MEF2C: variants seen among roughly 807,000 people sequenced by gnomAD.
MEF2C encodes myocyte-specific enhancer factor 2C.
MEF2C carries 6 observed loss-of-function variants against 50.5 expected under a neutral mutation model. The ratio of observed to expected loss-of-function variants is 0.12; its 90% CI spans 0.07 to 0.23. MEF2C has a LOEUF of 0.23. MEF2C is among the 10% of genes least tolerant of loss of function. MEF2C has a pLI of 1.00. For synonymous variants in MEF2C, 183 were observed against 228.0 expected (o/e 0.80, Z 1.78); for missense variants, 276 against 605.0 (o/e 0.46, Z 5.70).
intron 1 of MEF2C, among the ~76,000 whole-genome samples, chr5:88,866,047 A>C (rs1244549133): frequency 1.3e-5 from 2 of 151,948 alleles, no homozygotes; most frequent in Admixed American, 6.6e-5. Context: ...AGGCGCCCGC[A>C]ACCACGCCCG....
At chr5:88,787,007 A>AT (rs1228945799) in intron 3 of MEF2C, among the ~76,000 whole-genome samples, 6 of 152,228 alleles carry the variant, frequency 3.9e-5, no homozygotes, top group African/African-American at 1.4e-4. Flanking sequence ...AATGATCTTC[A>AT]TGTCCATCAA....
intron 2 of MEF2C, among the ~76,000 whole-genome samples, chr5:88,809,671 T>G (rs748296355): frequency 2.0e-5 from 3 of 152,190 alleles, no homozygotes; most frequent in Non-Finnish European, 4.4e-5. Flanking sequence ...TCAGACTAAC[T>G]TTTTCTCTGG....
intron 3 of MEF2C, among the ~76,000 whole-genome samples, chr5:88,781,094 C>T (rs543949346): frequency 6.6e-6 from 1 of 151,832 alleles, no homozygotes; most frequent in Admixed American, 6.6e-5. Context: ...CTTTTTCTAC[C>T]CTTTCCCTAG....
At chr5:88,766,767 A>T (rs1780236602) in intron 3 of MEF2C, 1 of 985,454 alleles carries the variant, frequency 1.0e-6, no homozygotes, top group Non-Finnish European at 1.2e-6. Flanking sequence ...CAGAGGGTTG[A>T]TGTGTCAAGA....
intron 6 of MEF2C, chr5:88,744,042 C>A (rs1768152005): frequency 3.3e-5 from 32 of 974,226 alleles, no homozygotes; most frequent in Admixed American, 6.2e-5. Context: ...TTTTTTTGAT[C>A]TCAACTATGA....
intron 6 of MEF2C, chr5:88,742,366 AACTAGTATTT>A (rs939953568): frequency 1.0e-6 from 1 of 984,886 alleles, no homozygotes; most frequent in Non-Finnish European, 1.2e-6. Flanking sequence ...TTCTGAATAA[AACTAGTATTT>A]CAGGGGGAAA....
At chr5:88,746,504 A>T (rs550524931) in intron 6 of MEF2C, 1 of 984,836 alleles carries the variant, frequency 1.0e-6, no homozygotes, top group Admixed American at 6.2e-5. Flanking sequence ...GCTGCTAAAA[A>T]GTAACGTAAT....
At chr5:88,737,916 A>G in intron 6 of MEF2C, 1 of 985,340 alleles carries the variant, frequency 1.0e-6, no homozygotes, top group Non-Finnish European at 1.2e-6. Flanking sequence ...AGCTTTATTA[A>G]ATTTGTGTTA....
chr5:88,768,120 C>T (rs1173067671), intron 3 of MEF2C, among the ~76,000 whole-genome samples: 1 of 152,204 alleles, frequency 6.6e-6, no homozygotes, highest in Non-Finnish European at 1.5e-5. Context: ...CTCCTTCATT[C>T]AGGCACTCAT....
intron 3 of MEF2C, chr5:88,771,279 G>T: frequency 2.5e-6 from 1 of 397,478 alleles, no homozygotes; most frequent in Non-Finnish European, 3.4e-6. Context: ...ATGTCATTTG[G>T]CAAGTCAGCT....
intron 1 of MEF2C, among the ~76,000 whole-genome samples, chr5:88,878,295 C>T (rs1050506829): frequency 6.6e-6 from 1 of 151,814 alleles, no homozygotes; most frequent in Non-Finnish European, 1.5e-5. Context: ...AGGAAGAGGC[C>T]CATGAATGTT....
intron 3 of MEF2C, among the ~76,000 whole-genome samples, chr5:88,796,075 A>G (rs1368774655): frequency 6.6e-6 from 1 of 152,158 alleles, no homozygotes; most frequent in Admixed American, 6.5e-5. Context: ...ATCGATGTTC[A>G]TCAGGGATAT....
intron 1 of MEF2C, among the ~76,000 whole-genome samples, chr5:88,876,941 C>T (rs1165004718): frequency 6.6e-6 from 1 of 151,948 alleles, no homozygotes; most frequent in Non-Finnish European, 1.5e-5. Context: ...AAAGCAGGTT[C>T]TCAAAAGGGA....
intron 3 of MEF2C, among the ~76,000 whole-genome samples, chr5:88,801,242 T>A (rs1393944366): frequency 6.6e-6 from 1 of 152,176 alleles, no homozygotes; most frequent in Non-Finnish European, 1.5e-5. Context: ...ATAAAACTAA[T>A]GACCCTTCAT....
intron 6 of MEF2C, chr5:88,739,017 A>G (rs1302381244): frequency 1.0e-6 from 1 of 980,800 alleles, no homozygotes. Flanking sequence ...TTTAGTCAAT[A>G]ATCTTCTCCC....
chr5:88,874,974 T>C (rs1830629101), intron 1 of MEF2C, among the ~76,000 whole-genome samples: 1 of 151,974 alleles, frequency 6.6e-6, no homozygotes, highest in Non-Finnish European at 1.5e-5. Context: ...TTGCACCTCA[T>C]ACAAATGAGA....
At chr5:88,757,399 T>C (rs1775853402) in intron 4 of MEF2C, among the ~76,000 whole-genome samples, 1 of 152,112 alleles carries the variant, frequency 6.6e-6, no homozygotes, top group Non-Finnish European at 1.5e-5. Flanking sequence ...CATTACCAGC[T>C]GCTGGGCTGT....
At chr5:88,765,785 C>A (rs1331971595) in intron 3 of MEF2C, among the ~76,000 whole-genome samples, 1 of 152,186 alleles carries the variant, frequency 6.6e-6, no homozygotes, top group Non-Finnish European at 1.5e-5. Flanking sequence ...TCATGTATGT[C>A]AAGATAAGGC....
intron 1 of MEF2C, among the ~76,000 whole-genome samples, chr5:88,846,163 G>T (rs1408583118): frequency 1.3e-5 from 2 of 151,776 alleles, no homozygotes; most frequent in African/African-American, 4.8e-5. Flanking sequence ...CACCTCCCGG[G>T]TTCATGCGAT....
Sources: gnomAD v4.1 joint callset for allele counts (sites outside exome capture counted in the v4.1 genomes callset) on GRCh38, gnomAD v4.1.1 for gene constraint, MANE v1.5 for transcripts, NCBI Gene and HGNC (gene_info 2026-07-23, HGNC 2026-07-21) for gene names.